Variants in ULK4 observed in about 807,000 individuals in gnomAD.
ULK4 encodes inactive serine/threonine-protein kinase ULK4.
A neutral mutation model predicts 160.6 loss-of-function variants in ULK4; 133 were observed. That is an observed-to-expected ratio of 0.83 (90% CI 0.72 to 0.96). ULK4 has a LOEUF of 0.96. Ranked by LOEUF, ULK4 falls within the 40% of genes least tolerant of loss-of-function variation. The pLI, the probability that ULK4 is intolerant of heterozygous loss-of-function variation, is 0.00. For missense variants in ULK4, 1,580 were observed against 1,499.5 expected (o/e 1.05, Z -0.89); for synonymous variants, 534 against 539.8 (o/e 0.99, Z 0.15).
At chr3:41,310,533 G>A (rs765369827) in intron 35 of ULK4, among the ~76,000 whole-genome samples, 1 of 152,084 alleles carries the variant, frequency 6.6e-6, no homozygotes, top group Non-Finnish European at 1.5e-5. Flanking sequence ...AAGCTCACTC[G>A]AAACATGATC....
intron 17 of ULK4, among the ~76,000 whole-genome samples, chr3:41,857,814 C>T (rs2042396662): frequency 6.6e-6 from 1 of 152,052 alleles, no homozygotes; most frequent in African/African-American, 2.4e-5. Flanking sequence ...GTAATGTGTC[C>T]TTTTTCATTT....
At chr3:41,373,163 G>C (rs1410585031) in intron 35 of ULK4, among the ~76,000 whole-genome samples, 2 of 152,164 alleles carry the variant, frequency 1.3e-5, no homozygotes, top group Non-Finnish European at 2.9e-5. Context: ...CCTACAAAGA[G>C]ACTTAGACTG....
At chr3:41,636,614 T>G (rs2033960469) in intron 30 of ULK4, among the ~76,000 whole-genome samples, 2 of 151,556 alleles carry the variant, frequency 1.3e-5, no homozygotes, top group Non-Finnish European at 2.9e-5. Flanking sequence ...TTTTTTTTAA[T>G]TATTATTATA....
At chr3:41,401,378 A>G (rs1193275894) in intron 34 of ULK4, among the ~76,000 whole-genome samples, 1 of 152,180 alleles carries the variant, frequency 6.6e-6, no homozygotes, top group Admixed American at 6.5e-5. Flanking sequence ...TTGCTCCAGC[A>G]CCATTCTTGG....
intron 22 of ULK4, among the ~76,000 whole-genome samples, chr3:41,744,805 A>T (rs2038361888): frequency 6.6e-6 from 1 of 151,838 alleles, no homozygotes; most frequent in African/African-American, 2.4e-5. Flanking sequence ...TAGACTATAC[A>T]CTAAACTACA....
intron 35 of ULK4, among the ~76,000 whole-genome samples, chr3:41,277,399 A>G (rs567997459): frequency 8.6e-4 from 131 of 152,314 alleles, no homozygotes; most frequent in African/African-American, 3.1e-3. Context: ...AAGATAATCC[A>G]CCATGATCAA....
At chr3:41,506,743 G>T (rs373924187) in intron 32 of ULK4, among the ~76,000 whole-genome samples, 1 of 52,132 alleles carries the variant, frequency 1.9e-5, no homozygotes, top group Admixed American at 3.1e-4. Flanking sequence ...GTTCTCCAAA[G>T]CAATACACTG....
intron 32 of ULK4, among the ~76,000 whole-genome samples, chr3:41,524,694 C>A (rs2086051262): frequency 6.6e-6 from 1 of 152,058 alleles, no homozygotes; most frequent in South Asian, 2.1e-4. Flanking sequence ...AATCCCAGCA[C>A]TTTGGGAGGC....
At chr3:41,622,821 T>G (rs1575493313) in intron 30 of ULK4, among the ~76,000 whole-genome samples, 1 of 152,288 alleles carries the variant, frequency 6.6e-6, no homozygotes, top group Non-Finnish European at 1.5e-5. Flanking sequence ...TCAGAAAAGA[T>G]TTTTTCCGTA....
intron 35 of ULK4, among the ~76,000 whole-genome samples, chr3:41,306,272 G>A (rs1371548278): frequency 3.1e-4 from 33 of 107,028 alleles, no homozygotes; most frequent in East Asian, 8.9e-4. Context: ...GGTGAGGGGC[G>A]CCTCTGCCCG....
In ULK4 at chr3:41,705,125, T is replaced by C. The variant is rs2036827013; in HGVS notation, c.2713A>G (p.Lys905Glu). The change falls in exon 27 of 37, where the codon AAG becomes GAG. Residue 905 changes from lysine (K) to glutamate (E), a missense_variant. Physicochemically the swap from Lys to Glu is moderately conservative, Grantham distance 56. Transcript: ENST00000301831. ...GCTTCAAAAGCTGACAATGTGATCT[T>C]GATAAATTCTTCTGATGCTGTCAGT... The part of the protein sequence containing the change: ...IGLTASEEFI[K>E]ITLSAFEAII... 5 of 1,613,976 alleles carry C rather than the reference T, an allele frequency of 3.1e-6. No individual in the cohort carries two copies. The highest frequency in any genetic ancestry group is 1.3e-5 in the African/African-American group (1 of 75,054).
chr3:41,454,712 A>C (rs1400373130), intron 34 of ULK4, among the ~76,000 whole-genome samples: 2 of 152,004 alleles, frequency 1.3e-5, no homozygotes, highest in Non-Finnish European at 2.9e-5. Flanking sequence ...TAATTTTTTG[A>C]GATGGAGTCT....
At chr3:41,701,302 T>A (rs1487921453) in intron 27 of ULK4, among the ~76,000 whole-genome samples, 1 of 152,140 alleles carries the variant, frequency 6.6e-6, no homozygotes, top group East Asian at 1.9e-4. Flanking sequence ...AAACCAAATC[T>A]ACACCACCTC....
intron 20 of ULK4, among the ~76,000 whole-genome samples, chr3:41,799,153 C>G (rs547206540): frequency 6.6e-6 from 1 of 151,930 alleles, no homozygotes; most frequent in East Asian, 1.9e-4. Flanking sequence ...GAGAGAAGTG[C>G]AAGAGGTAGC....
intron 32 of ULK4, among the ~76,000 whole-genome samples, chr3:41,522,449 T>G (rs1553687558): frequency 1.3e-5 from 2 of 152,096 alleles, no homozygotes; most frequent in Non-Finnish European, 2.9e-5. Context: ...GCCAAATGTC[T>G]TCTTCTTTTA....
intron 35 of ULK4, among the ~76,000 whole-genome samples, chr3:41,305,279 G>C (rs569557981): frequency 4.0e-5 from 6 of 148,950 alleles, no homozygotes; most frequent in African/African-American, 1.5e-4. Flanking sequence ...CTCTCATGCT[G>C]AGCCGAAGCT....
chr3:41,444,956 T>C (rs193221970), intron 34 of ULK4, among the ~76,000 whole-genome samples: 1 of 152,278 alleles, frequency 6.6e-6, no homozygotes, highest in Admixed American at 6.5e-5. Context: ...GATGACATGA[T>C]TGTATATCTA....
At chr3:41,529,653 T>C (rs1278383082) in intron 32 of ULK4, among the ~76,000 whole-genome samples, 2 of 152,142 alleles carry the variant, frequency 1.3e-5, no homozygotes, top group East Asian at 3.9e-4. Flanking sequence ...CCCGGCTTTT[T>C]CTTTTTCCCC....
rs545551783 is a variant in ULK4, at chr3:41,496,744, C to T, written c.3227-33491G>A. Among the ~76,000 whole-genome samples, 35 of 152,224 alleles carry T rather than the reference C, an allele frequency of 2.3e-4. No individual in the cohort carries two copies. The South Asian group carries it at 6.4e-3, about 28-fold the overall frequency. On this transcript the variant is annotated intron_variant, in intron 32 of 36. Coordinates refer to ENST00000301831, the MANE Select transcript of ULK4 (RefSeq NM_017886.4). ...GATACTTAAGATTGCACAGATCTGG[C>T]AGTCAAGGAGTTCCGACAATCCAGA...
Sources: allele counts gnomAD v4.1 joint callset (sites outside exome capture counted in the v4.1 genomes callset), GRCh38; gene constraint gnomAD v4.1.1; transcripts MANE v1.5; gene names NCBI Gene and HGNC (gene_info 2026-07-23, HGNC 2026-07-21).